The following VPS13B variants were observed in gnomAD, a reference collection of about 807,000 sequenced individuals.
The protein encoded by VPS13B is vacuolar protein sorting 13 homolog B, also known as intermembrane lipid transfer protein VPS13B.
Under a neutral mutation model 426.4 loss-of-function variants are expected in VPS13B, and 285 were observed. The ratio of observed to expected loss-of-function variants is 0.67; its 90% CI spans 0.61 to 0.74. The LOEUF is 0.74. Ranked by LOEUF, VPS13B falls within the 30% of genes least tolerant of loss-of-function variation. The pLI is 0.00. For synonymous variants in VPS13B, 1,676 were observed against 1,676.4 expected, an observed-to-expected ratio of 1.00 and a Z score of 0.01; for missense variants, 4,537 against 4,782.6, an observed-to-expected ratio of 0.95 and a Z score of 1.51.
At chr8:99,353,067 C>A (rs560128703) in intron 19 of VPS13B, among the ~76,000 whole-genome samples, 1 of 151,770 alleles carries the variant, frequency 6.6e-6, no homozygotes, top group South Asian at 2.1e-4. Flanking sequence ...CTGCAACCTC[C>A]GCCTCCTAGA....
intron 22 of VPS13B, among the ~76,000 whole-genome samples, chr8:99,432,197 T>A (rs963828734): frequency 6.6e-6 from 1 of 152,178 alleles, no homozygotes; most frequent in African/African-American, 2.4e-5. Context: ...GACTAAAATA[T>A]ACAATTAGAT....
chr8:99,098,167 C>T (rs985625550), intron 4 of VPS13B, among the ~76,000 whole-genome samples: 6 of 152,118 alleles, frequency 3.9e-5, no homozygotes, highest in African/African-American at 1.4e-4. Flanking sequence ...TGTTTCCCAT[C>T]TCATGCCTAC....
At chr8:99,791,720 TA>T (rs1163608239) in intron 43 of VPS13B, among the ~76,000 whole-genome samples, 8,034 of 90,082 alleles carry the variant, frequency 0.089, 233 homozygotes, top group African/African-American at 0.1. Flanking sequence ...GAACAGAACT[TA>T]AAAAAAAAAA....
In VPS13B at chr8:99,863,149, T is replaced by C. The variant is rs190573845; in HGVS notation, c.11215+1203T>C. Among the ~76,000 whole-genome samples the C allele has an allele frequency of 7.2e-4, 110 of 152,282 alleles. 1 individual carries two copies. The East Asian group carries it at 0.019, about 26-fold the overall frequency. The stretch of plus-strand genomic sequence containing the variant: ...TTGTATATTGGGCCTGGTGATACCA[T>C]TGTTAGAAGTAACAGTGGGTAGTTA... On this transcript the variant is annotated intron_variant, in intron 58 of 61. Coordinates refer to ENST00000357162, the MANE Select transcript of VPS13B (RefSeq NM_152564.5).
intron 28 of VPS13B, among the ~76,000 whole-genome samples, chr8:99,509,446 T>G (rs1015790562): frequency 2.6e-5 from 4 of 152,130 alleles, no homozygotes; most frequent in Non-Finnish European, 5.9e-5. Flanking sequence ...AAAAATAATT[T>G]ATTTTCTTAT....
At chr8:99,082,266 A>C (rs1845522871) in intron 3 of VPS13B, among the ~76,000 whole-genome samples, 1 of 152,168 alleles carries the variant, frequency 6.6e-6, no homozygotes, top group Non-Finnish European at 1.5e-5. Context: ...TCTTCTTTTG[A>C]TAAGTGTCTG....
intron 19 of VPS13B, among the ~76,000 whole-genome samples, chr8:99,373,539 CAGAT>C (rs1179451067): frequency 6.6e-6 from 1 of 152,102 alleles, no homozygotes; most frequent in East Asian, 1.9e-4. Context: ...ACACATAAGT[CAGAT>C]AGAAGGAGAT....
chr8:99,459,867 C>T (rs1818735063), intron 23 of VPS13B, among the ~76,000 whole-genome samples: 1 of 152,110 alleles, frequency 6.6e-6, no homozygotes, highest in African/African-American at 2.4e-5. Flanking sequence ...ATATCTGTCT[C>T]TGTAATATTT....
intron 37 of VPS13B, 63 bp downstream of exon 37, chr8:99,717,436 A>T (rs1832969527): frequency 6.4e-6 from 9 of 1,416,004 alleles, no homozygotes; most frequent in Non-Finnish European, 8.9e-6. Context: ...CATTTTTTGA[A>T]CTGTTTCACT....
At chr8:99,267,701 TGGC>T in intron 17 of VPS13B, among the ~76,000 whole-genome samples, 1 of 149,096 alleles carries the variant, frequency 6.7e-6, no homozygotes, top group South Asian at 2.1e-4. Context: ...CACTCCAGCC[TGGC>T]GACAGAGTGA....
At chr8:99,594,437 C>A (rs1826886899) in intron 33 of VPS13B, among the ~76,000 whole-genome samples, 1 of 152,022 alleles carries the variant, frequency 6.6e-6, no homozygotes, top group African/African-American at 2.4e-5. Flanking sequence ...ATAATAAGAA[C>A]TCAATAAAAG....
chr8:99,846,266 C>A (rs945740859), intron 54 of VPS13B, among the ~76,000 whole-genome samples: 1 of 152,186 alleles, frequency 6.6e-6, no homozygotes, highest in Non-Finnish European at 1.5e-5. Context: ...ATTTTATACA[C>A]CTGTGGTCTG....
rs199500090 is a variant in VPS13B, at chr8:99,146,745, G to GT, written c.1844-1088dup. Among the ~76,000 whole-genome samples the GT allele has an allele frequency of 2.5e-4, 38 of 151,766 alleles. No individual in the cohort carries two copies. In the East Asian group the frequency reaches 4.6e-3, roughly 19 times the overall value. ...GCACCACCAAGCCCAGCTAATCTTT[G>GT]TTTTTTTTGTAGAGATGAAGTCTTA... is the stretch of plus-strand genomic sequence containing the variant. On this transcript the variant is annotated intron_variant, in intron 13 of 61. Coordinates refer to ENST00000357162, the MANE Select transcript of VPS13B (RefSeq NM_152564.5).
intron 17 of VPS13B, among the ~76,000 whole-genome samples, chr8:99,257,364 G>A (rs996230313): frequency 3.7e-4 from 57 of 152,222 alleles, no homozygotes; most frequent in African/African-American, 1.3e-3. Context: ...TTGGAGTCTC[G>A]ATTTCATAGT....
intron 17 of VPS13B, among the ~76,000 whole-genome samples, chr8:99,232,362 T>C (rs1250072454): frequency 2.0e-5 from 3 of 152,156 alleles, no homozygotes; most frequent in Non-Finnish European, 4.4e-5. Flanking sequence ...CTCCTGTTGA[T>C]ATACACAGAT....
rs114863937 is a variant in VPS13B, at chr8:99,871,861, G to A, written c.11745+164G>A. ...GAGGAAGTGTAGAGGCCGGAGGGCC[G>A]CTGCGAAAGGGCACTGGGAAGCCCC... On this transcript the variant is annotated intron_variant, in intron 61 of 61. Transcript: ENST00000357162. Among the ~76,000 whole-genome samples, 483 of 152,040 alleles carry A rather than the reference G, an allele frequency of 3.2e-3. 7 individuals carry two copies. Among genetic ancestry groups the A allele is most frequent in the African/African-American group, 0.011 (456 of 41,476 alleles).
intron 19 of VPS13B, among the ~76,000 whole-genome samples, chr8:99,310,857 T>G (rs1488361550): frequency 6.6e-6 from 1 of 152,220 alleles, no homozygotes; most frequent in East Asian, 1.9e-4. Context: ...AACCTGTTAT[T>G]GGTCTATTCA....
At chr8:99,708,812 G>GTT (rs139617016) in intron 36 of VPS13B, among the ~76,000 whole-genome samples, 2,932 of 147,902 alleles carry the variant, frequency 0.02, 102 homozygotes, top group African/African-American at 0.07. Context: ...ATATTAATAG[G>GTT]TTCTCTCTCT....
intron 17 of VPS13B, among the ~76,000 whole-genome samples, chr8:99,242,883 T>C (rs1197080725): frequency 6.6e-6 from 1 of 152,192 alleles, no homozygotes; most frequent in Non-Finnish European, 1.5e-5. Context: ...TCTTCAATGG[T>C]AGGCATGATG....
Sources: gnomAD v4.1 joint callset for allele counts (sites outside exome capture counted in the v4.1 genomes callset) on GRCh38, gnomAD v4.1.1 for gene constraint, MANE v1.5 for transcripts, NCBI Gene and HGNC (gene_info 2026-07-23, HGNC 2026-07-21) for gene names.